The following MGAT4C variants were observed in gnomAD, a reference collection of about 807,000 sequenced individuals.
MGAT4C encodes alpha-1,3-mannosyl-glycoprotein 4-beta-N-acetylglucosaminyltransferase C.
In MGAT4C, 19 loss-of-function variants were observed where a neutral mutation model predicts 40.1. The ratio of observed to expected loss-of-function variants is 0.47; its 90% CI spans 0.33 to 0.70. The LOEUF is 0.70. Among genes scored for constraint, MGAT4C ranks in the 30% least tolerant of loss-of-function variants. MGAT4C has a pLI of 0.02. For missense variants in MGAT4C, 491 were observed against 563.2 expected (o/e 0.87, Z 1.30); for synonymous variants, 181 against 187.1 (o/e 0.97, Z 0.27).
At chr12:85,988,087 T>A (rs190463603) in intron 3 of MGAT4C, among the ~76,000 whole-genome samples, 1 of 152,332 alleles carries the variant, frequency 6.6e-6, no homozygotes, top group African/African-American at 2.4e-5. Flanking sequence ...AACATTAGTA[T>A]GTTTCTCCTA....
chr12:86,632,895 TTAAAG>T (rs1166233166), intron 2 of MGAT4C, among the ~76,000 whole-genome samples: 1 of 152,016 alleles, frequency 6.6e-6, no homozygotes, highest in Non-Finnish European at 1.5e-5. Flanking sequence ...ACACTAGAAT[TTAAAG>T]TATAATAAAA....
At chr12:86,414,835 A>T (rs1478331292) in intron 3 of MGAT4C, among the ~76,000 whole-genome samples, 1 of 152,148 alleles carries the variant, frequency 6.6e-6, no homozygotes, top group African/African-American at 2.4e-5. Context: ...CATCAGTAGA[A>T]GTAGCAGCTA....
chr12:86,018,087 C>T (rs1206817700), intron 2 of MGAT4C, among the ~76,000 whole-genome samples: 1 of 152,106 alleles, frequency 6.6e-6, no homozygotes, highest in Non-Finnish European at 1.5e-5. Context: ...GTTACTTGGA[C>T]TACATGCAAC....
chr12:86,361,909 A>G (rs1955483319), intron 3 of MGAT4C, among the ~76,000 whole-genome samples: 1 of 152,236 alleles, frequency 6.6e-6, no homozygotes, highest in Non-Finnish European at 1.5e-5. Context: ...TAGTTCAACC[A>G]TTGTGGAAGA....
intron 1 of MGAT4C, among the ~76,000 whole-genome samples, chr12:86,761,468 T>G (rs899951471): frequency 6.6e-6 from 1 of 152,234 alleles, no homozygotes; most frequent in African/African-American, 2.4e-5. Context: ...AGCCCAGGTA[T>G]GGATGTATTA....
intron 2 of MGAT4C, among the ~76,000 whole-genome samples, chr12:86,593,176 CATA>C (rs1961400916): frequency 1.3e-5 from 2 of 151,776 alleles, no homozygotes; most frequent in Admixed American, 1.3e-4. Context: ...TACAATTGTT[CATA>C]ATATTTATTT....
chr12:86,443,662 C>T (rs1375906976), intron 2 of MGAT4C, among the ~76,000 whole-genome samples: 1 of 152,124 alleles, frequency 6.6e-6, no homozygotes, highest in Admixed American at 6.5e-5. Flanking sequence ...GGCACGATCT[C>T]GGCTCACTGC....
intron 1 of MGAT4C, among the ~76,000 whole-genome samples, chr12:86,057,085 T>A (rs1026727324): frequency 1.3e-5 from 2 of 152,074 alleles, no homozygotes; most frequent in East Asian, 3.8e-4. Flanking sequence ...TTTAAAAAAA[T>A]TTCTTTTATA....
chr12:86,618,359 C>T (rs1481683479), intron 2 of MGAT4C, among the ~76,000 whole-genome samples: 1 of 152,086 alleles, frequency 6.6e-6, no homozygotes, highest in Admixed American at 6.6e-5. Context: ...ATCAGTATAT[C>T]AGAAGGATAC....
At chr12:86,043,142 T>G (rs1172985672) in intron 2 of MGAT4C, among the ~76,000 whole-genome samples, 2 of 152,090 alleles carry the variant, frequency 1.3e-5, no homozygotes, top group Non-Finnish European at 2.9e-5. Flanking sequence ...GTTGGGGAAA[T>G]TTTCATGGGT....
chr12:86,724,855 C>A (rs1057144054), intron 2 of MGAT4C, among the ~76,000 whole-genome samples: 1 of 152,204 alleles, frequency 6.6e-6, no homozygotes, highest in African/African-American at 2.4e-5. Context: ...TAGTAACCAC[C>A]ATTCTACTCT....
chr12:86,067,316 T>C (rs7137955), intron 1 of MGAT4C, among the ~76,000 whole-genome samples: 122,233 of 152,202 alleles, frequency 0.8, 49,746 homozygotes, highest in East Asian at 0.97. Context: ...CCCAAATGCC[T>C]ATCAGTGATA....
At chr12:86,003,747 T>TGAAGAAGAAGAAGAA (rs147837764) in intron 2 of MGAT4C, among the ~76,000 whole-genome samples, 1 of 151,074 alleles carries the variant, frequency 6.6e-6, no homozygotes. Context: ...TGAAGTTTTG[T>TGAAGAAGAAGAAGAA]GAAGAAGAAG....
At chr12:86,654,684 T>A (rs767895617) in intron 2 of MGAT4C, among the ~76,000 whole-genome samples, 17 of 151,598 alleles carry the variant, frequency 1.1e-4, no homozygotes, top group African/African-American at 2.4e-4. Context: ...AATGTCATAG[T>A]TATATGATTT....
At chr12:86,411,615 A>G (rs1396408624) in intron 3 of MGAT4C, among the ~76,000 whole-genome samples, 2 of 152,220 alleles carry the variant, frequency 1.3e-5, no homozygotes, top group Non-Finnish European at 2.9e-5. Flanking sequence ...GGACCTAGAA[A>G]TTATATTTAA....
intron 1 of MGAT4C, among the ~76,000 whole-genome samples, chr12:86,093,059 T>A (rs1027377514): frequency 1.3e-5 from 2 of 152,032 alleles, no homozygotes; most frequent in African/African-American, 4.8e-5. Context: ...CCTGTGTCCA[T>A]GTGCCAATCA....
chr12:86,245,248 C>G (rs1168800943), intron 1 of MGAT4C, among the ~76,000 whole-genome samples: 3 of 152,164 alleles, frequency 2.0e-5, no homozygotes, highest in Non-Finnish European at 4.4e-5. Context: ...CCCTCGAGTT[C>G]TCTTGCCAAA....
chr12:86,289,804 A>G (rs1238310606), intron 4 of MGAT4C, among the ~76,000 whole-genome samples: 1 of 152,104 alleles, frequency 6.6e-6, no homozygotes, highest in Admixed American at 6.5e-5. Context: ...TATTTTTAAA[A>G]ATTTTAGGTT....
intron 1 of MGAT4C, among the ~76,000 whole-genome samples, chr12:86,159,425 CTT>C (rs34467579): frequency 3.6e-4 from 53 of 147,810 alleles, no homozygotes; most frequent in South Asian, 8.6e-4. Context: ...CAATTTGCTA[CTT>C]TTTTTTTTTT....
Sources: gnomAD v4.1 joint callset for allele counts (sites outside exome capture counted in the v4.1 genomes callset) on GRCh38, gnomAD v4.1.1 for gene constraint, MANE v1.5 for transcripts, NCBI Gene and HGNC (gene_info 2026-07-23, HGNC 2026-07-21) for gene names.